Variants in SF3B2 observed in about 807,000 individuals in gnomAD.
The protein encoded by SF3B2 is splicing factor 3b subunit 2.
In SF3B2, 22 loss-of-function variants were observed where a neutral mutation model predicts 116.3. The observed-to-expected ratio is 0.19, with a 90% CI of 0.14 to 0.27. The LOEUF is 0.27. Among genes scored for constraint, SF3B2 ranks in the 10% least tolerant of loss-of-function variants. SF3B2 has a pLI of 1.00. For missense variants in SF3B2, 767 were observed against 1,151.4 expected (o/e 0.67, Z 4.83); for synonymous variants, 406 against 421.6 (o/e 0.96, Z 0.45).
chr11:66,060,799 T>A, intron 14 of SF3B2, 68 bp downstream of exon 14: 1 of 1,500,612 alleles, frequency 6.7e-7, no homozygotes, highest in Middle Eastern at 2.0e-4. Flanking sequence ...CTTTTTTTTG[T>A]TTGTTTGTTT....
intron 13 of SF3B2, 70 bp from the exon 14 acceptor site, chr11:66,060,512 T>A (rs910384919): frequency 6.4e-7 from 1 of 1,568,108 alleles, no homozygotes; most frequent in African/African-American, 1.4e-5. Flanking sequence ...TCATTTGGAG[T>A]TGGGAGCTGG....
At chr11:66,056,649 C>T (rs973606857) in intron 5 of SF3B2, among the ~76,000 whole-genome samples, 189 bp from the exon 6 acceptor site, 5 of 152,040 alleles carry the variant, frequency 3.3e-5, no homozygotes, top group East Asian at 1.9e-4. Context: ...AGGGATTTTC[C>T]GTTGTGATGA....
At chr11:66,067,529 C>T (rs1232145194) in intron 19 of SF3B2, 9 of 456,730 alleles carry the variant, frequency 2.0e-5, no homozygotes, top group South Asian at 1.5e-5. Context: ...ATGGCTCTTG[C>T]GTTGGAAGGC....
In SF3B2 at chr11:66,059,235, A is replaced by T; in HGVS notation, c.1217A>T (p.Glu406Val). ...TDDVKKEKEKEPEKLDKLENS... is the reference protein window; with the variant it reads ...TDDVKKEKEKVPEKLDKLENS... ...GATGTGAAGAAGGAGAAAGAGAAGG[A>T]GCCAGAGAAACTTGACAAACTGGAG... The change falls in exon 11 of 22, where the codon GAG becomes GTG. Residue 406 changes from glutamate to valine, a missense_variant. Transcript: ENST00000322535. This position sits in a 1 kb window ranked among gnomAD's most constrained non-coding sequence, Gnocchi z 5.0. 2 of 1,614,114 alleles carry T rather than the reference A, an allele frequency of 1.2e-6. No individual in the cohort carries two copies. The highest frequency in any genetic ancestry group is 1.7e-6 in the Non-Finnish European group (2 of 1,180,016).
At position 66,059,962 on chromosome 11, in the gene SF3B2, A is replaced by G. The variant is rs200555928; in HGVS notation, c.1582A>G (p.Ile528Val). ...GCCCCCCTTCGAGCTGCCAGACTTC[A>G]TCAAACGCACAGGCATCCAGGAGAT... ...EKPPFELPDF[I>V]KRTGIQEMRE... Residue 528 changes from isoleucine (I) to valine (V), a missense_variant, in exon 13 of 22, where the codon ATC (isoleucine) becomes GTC (valine). By Grantham distance (29) the Ile-to-Val change is conservative (BLOSUM62 3). Around this residue, in one of 4 missense-constraint regions of SF3B2, gnomAD observed 282 missense variants for 568.0 expected, o/e 0.50. Coordinates refer to ENST00000322535, the MANE Select transcript of SF3B2 (RefSeq NM_006842.3). The surrounding 1 kb of genome is among the most constrained non-coding windows in gnomAD (Gnocchi z 5.0). The G allele has an allele frequency of 2.5e-6, 4 of 1,614,186 alleles. No homozygotes were observed.
In SF3B2 at chr11:66,062,082, A is replaced by C. The variant is rs1247861530; in HGVS notation, c.1977+84A>C. On this transcript the variant is annotated intron_variant, in intron 16 of 21. Coordinates refer to ENST00000322535, the MANE Select transcript of SF3B2 (RefSeq NM_006842.3). ...TTGTTTGTTTTCCTTCTCTAACTCCACCATGTGTCTCTTTATTTACTTAAA... is the reference window on the plus strand; with the variant it reads ...TTGTTTGTTTTCCTTCTCTAACTCCCCCATGTGTCTCTTTATTTACTTAAA... 4 of 883,538 alleles carry C rather than the reference A, an allele frequency of 4.5e-6. No homozygotes were observed. In the East Asian group the frequency reaches 1.1e-4, roughly 23 times the overall value. The allele number at this position is 883,538 out of a possible 1,614,324, so 54.7% of individuals were successfully genotyped here.
At position 66,059,192 on chromosome 11, in the gene SF3B2, C is replaced by T. The variant is rs1857058392; in HGVS notation, c.1183-9C>T. 1.9e-6 allele frequency: 3 copies of T among 1,613,838 alleles called. No individual in the cohort carries two copies. Among genetic ancestry groups the T allele is most frequent in the Non-Finnish European group, 2.5e-6 (3 of 1,180,018 alleles). ...GAGGGCAGGGGTTTCACCTTGTCTG[C>T]CTCCTTAGCTCACTGATGATGTGAA... On this transcript the variant is annotated splice_polypyrimidine_tract_variant and intron_variant, in intron 10 of 21. Transcript: ENST00000322535. This position sits in a 1 kb window ranked among gnomAD's most constrained non-coding sequence, Gnocchi z 5.0.
intron 15 of SF3B2, 53 bp downstream of exon 15, chr11:66,061,828 G>A: frequency 1.2e-6 from 2 of 1,604,726 alleles, no homozygotes; most frequent in Non-Finnish European, 1.7e-6. Context: ...GTGGGGATTG[G>A]AGTGGAAGGC....
chr11:66,060,105 C>A, intron 13 of SF3B2, 96 bp downstream of exon 13: 1 of 1,043,390 alleles, frequency 9.6e-7, no homozygotes, highest in Non-Finnish European at 1.4e-6. Flanking sequence ...ACCCACCTAC[C>A]ACCTACTTGT....
intron 9 of SF3B2, 52 bp from the exon 10 acceptor site, chr11:66,058,778 C>G (rs1857047219): frequency 3.3e-6 from 5 of 1,502,362 alleles, no homozygotes; most frequent in Non-Finnish European, 4.6e-6. Flanking sequence ...GGTTGGGGTG[C>G]TGGCACAGTG....
intron 21 of SF3B2, 142 bp from the exon 22 acceptor site, chr11:66,068,532 G>A: frequency 1.2e-6 from 1 of 857,190 alleles, no homozygotes; most frequent in Non-Finnish European, 1.8e-6. Flanking sequence ...ACTCAGCCAA[G>A]TCTGAGAGGG....
intron 19 of SF3B2, 54 bp downstream of exon 19, chr11:66,063,783 G>T (rs1032361991): frequency 2.0e-5 from 28 of 1,402,986 alleles, no homozygotes; most frequent in Non-Finnish European, 2.6e-5. Context: ...CCTTTGGCTG[G>T]CTGGCTGACT....
In SF3B2 at chr11:66,057,319, G is replaced by T; in HGVS notation, c.721G>T (p.Ala241Ser). 6.2e-7 allele frequency: 1 copy of T among 1,609,622 alleles called. No individual in the cohort carries two copies. Among genetic ancestry groups the T allele is most frequent in the Non-Finnish European group, 8.5e-7 (1 of 1,175,872 alleles). Residue 241 changes from alanine (A) to serine (S), a missense_variant, in exon 7 of 22, where the codon GCC (alanine) becomes TCC (serine). Ala to Ser is a moderately conservative substitution (Grantham distance 99). This residue lies in a region of SF3B2 where 455 missense variants were observed against 537.5 expected (regional missense o/e 0.85). Transcript: ENST00000322535. ...GPTPTVLPMG[A>S]PVPRPRGPPP... ...CACTCCTACAGTTTTGCCCATGGGA[G>T]CCCCTGTTCCCCGGCCTCGTGGTCC...
intron 19 of SF3B2, chr11:66,064,960 T>C (rs1028272201): frequency 6.6e-6 from 1 of 152,178 alleles, no homozygotes; most frequent in African/African-American, 2.4e-5. Flanking sequence ...GACAATCTTT[T>C]TTCTTTCAAC....
chr11:66,064,320 T>A (rs1360030447), intron 19 of SF3B2, among the ~76,000 whole-genome samples: 1 of 152,232 alleles, frequency 6.6e-6, no homozygotes, highest in Non-Finnish European at 1.5e-5. Flanking sequence ...CTGTTAAGTT[T>A]TTGCTTTGTT....
rs575578781 is a variant in SF3B2, at chr11:66,062,479, A to G, written c.1977+481A>G. On this transcript the variant is annotated intron_variant, in intron 16 of 21. Transcript: ENST00000322535. ...TAGTGAAACCGCACCTCTACTTTAA[A>G]AAAAAAAAAAAAGAAAAAAGAAATA... 5.5e-3 allele frequency among the ~76,000 whole-genome samples: 828 copies of G among 150,790 alleles called. 4 individuals carry two copies. Among genetic ancestry groups the G allele is most frequent in the Non-Finnish European group, 9.8e-3 (660 of 67,586 alleles).
intron 5 of SF3B2, 103 bp downstream of exon 5, chr11:66,055,688 G>A: frequency 1.9e-6 from 2 of 1,033,136 alleles, no homozygotes; most frequent in East Asian, 2.4e-5. Context: ...AGGCTACTTT[G>A]TTCTCAACTA....
At chr11:66,065,858 A>G (rs749635284) in intron 19 of SF3B2, 1 of 152,056 alleles carries the variant, frequency 6.6e-6, no homozygotes, top group Admixed American at 6.6e-5. Context: ...AGTTATAACA[A>G]TATTTTATTT....
intron 16 of SF3B2, 150 bp from the exon 17 acceptor site, chr11:66,062,859 A>G (rs1857121325): frequency 4.3e-6 from 2 of 467,140 alleles, no homozygotes; most frequent in African/African-American, 2.0e-5. Context: ...TTTGGTTTCT[A>G]ATGCTTCATA....
Sources: allele counts gnomAD v4.1 joint callset (sites outside exome capture counted in the v4.1 genomes callset), GRCh38; gene constraint gnomAD v4.1.1; regional missense constraint gnomAD v4.1.1; non-coding constraint Gnocchi (gnomAD v3.1); transcripts MANE v1.5; gene names NCBI Gene and HGNC (gene_info 2026-07-23, HGNC 2026-07-21).